ARHGEF28: variants seen among roughly 807,000 people sequenced by gnomAD.
ARHGEF28 encodes 190 kDa guanine nucleotide exchange factor.
In ARHGEF28, 152 loss-of-function variants were observed where a neutral mutation model predicts 206.6. That is an observed-to-expected ratio of 0.74 (90% CI 0.64 to 0.84). The LOEUF is 0.84. Among genes scored for constraint, ARHGEF28 ranks in the 40% least tolerant of loss-of-function variants. ARHGEF28 has a pLI of 0.00. For synonymous variants in ARHGEF28, 763 were observed against 776.4 expected (o/e 0.98, Z 0.29); for missense variants, 2,028 against 2,073.2 (o/e 0.98, Z 0.42).
intron 2 of ARHGEF28, among the ~76,000 whole-genome samples, chr5:73,725,443 C>T (rs900012333): frequency 1.2e-4 from 18 of 152,104 alleles, no homozygotes; most frequent in Non-Finnish European, 2.1e-4. Context: ...GTCCACTGGA[C>T]GTTATTTTTT....
chr5:73,802,412 T>A (rs1345230134), intron 9 of ARHGEF28, among the ~76,000 whole-genome samples: 1 of 152,188 alleles, frequency 6.6e-6, no homozygotes, highest in Non-Finnish European at 1.5e-5. Context: ...TAGTACATTC[T>A]AAATTACCTT....
chr5:73,880,479 G>T (rs1338803621), intron 22 of ARHGEF28, among the ~76,000 whole-genome samples: 1 of 152,182 alleles, frequency 6.6e-6, no homozygotes, highest in East Asian at 1.9e-4. Context: ...GATGAACCCG[G>T]TACCTCAGAT....
chr5:73,767,888 G>A (rs992971573), intron 4 of ARHGEF28, among the ~76,000 whole-genome samples: 1 of 152,166 alleles, frequency 6.6e-6, no homozygotes, highest in African/African-American at 2.4e-5. Flanking sequence ...GGAGGAAATG[G>A]TTTCATGGGC....
intron 2 of ARHGEF28, among the ~76,000 whole-genome samples, chr5:73,748,345 A>G (rs1394930803): frequency 6.6e-6 from 1 of 151,758 alleles, no homozygotes; most frequent in African/African-American, 2.4e-5. Flanking sequence ...CCAACCAGTG[A>G]TTTTTTTTCA....
intron 22 of ARHGEF28, among the ~76,000 whole-genome samples, chr5:73,880,301 A>G (rs1163324111): frequency 6.6e-6 from 1 of 152,164 alleles, no homozygotes; most frequent in African/African-American, 2.4e-5. Context: ...TTCTGGTGGG[A>G]GTGACCCAAT....
intron 20 of ARHGEF28, among the ~76,000 whole-genome samples, chr5:73,869,484 A>C (rs1435201098): frequency 6.6e-6 from 1 of 152,224 alleles, no homozygotes; most frequent in East Asian, 1.9e-4. Context: ...AAAATAGAGC[A>C]GGCCAAAACA....
chr5:73,673,682 T>C (rs1746484905), intron 1 of ARHGEF28, among the ~76,000 whole-genome samples: 1 of 152,136 alleles, frequency 6.6e-6, no homozygotes, highest in African/African-American at 2.4e-5. Flanking sequence ...ATACTTAACA[T>C]GTAATAATAA....
intron 35 of ARHGEF28, among the ~76,000 whole-genome samples, chr5:73,938,816 G>A (rs2112061883): frequency 6.6e-6 from 1 of 152,124 alleles, no homozygotes; most frequent in Non-Finnish European, 1.5e-5. Context: ...GATTTGTAAT[G>A]TTGCCCTGAC....
chr5:73,785,618 C>T (rs562917614), intron 7 of ARHGEF28, among the ~76,000 whole-genome samples: 4 of 152,230 alleles, frequency 2.6e-5, no homozygotes, highest in East Asian at 3.9e-4. Context: ...TGGGCTATAA[C>T]GCAACCTGAG....
At chr5:73,867,786 G>T (rs1482700667) in intron 18 of ARHGEF28, 90 bp from the exon 19 acceptor site, 2 of 1,533,560 alleles carry the variant, frequency 1.3e-6, no homozygotes, top group Non-Finnish European at 1.8e-6. Flanking sequence ...AGTAGTCATT[G>T]CAGGGTTTAG....
chr5:73,741,383 GTGTATATATATATA>G (rs1751408363), intron 2 of ARHGEF28, among the ~76,000 whole-genome samples: 5 of 18,316 alleles, frequency 2.7e-4, no homozygotes, highest in Admixed American at 7.9e-4. Flanking sequence ...GTGTGTGTGT[GTGTATATATATATA>G]TATATATATA....
At chr5:73,793,798 C>CTT (rs35889342) in intron 7 of ARHGEF28, among the ~76,000 whole-genome samples, 10 of 142,338 alleles carry the variant, frequency 7.0e-5, no homozygotes, top group Non-Finnish European at 9.1e-5. Context: ...TTGGGTGAAC[C>CTT]TTTTTTTTTT....
intron 9 of ARHGEF28, among the ~76,000 whole-genome samples, chr5:73,817,591 G>C (rs993501299): frequency 2.6e-5 from 4 of 152,184 alleles, no homozygotes; most frequent in Non-Finnish European, 4.4e-5. Flanking sequence ...AGGGATGAAA[G>C]AATGACATAT....
intron 9 of ARHGEF28, among the ~76,000 whole-genome samples, chr5:73,809,106 G>A (rs550384592): frequency 1.3e-5 from 2 of 152,042 alleles, no homozygotes; most frequent in East Asian, 3.9e-4. Flanking sequence ...GGAAGCTGAG[G>A]AGACAGGAGA....
chr5:73,752,530 C>A (rs893135737), intron 3 of ARHGEF28, among the ~76,000 whole-genome samples: 3 of 152,048 alleles, frequency 2.0e-5, no homozygotes, highest in Non-Finnish European at 2.9e-5. Flanking sequence ...AAATATGTGA[C>A]TCAGGAGGAA....
intron 2 of ARHGEF28, among the ~76,000 whole-genome samples, chr5:73,699,949 A>G (rs1373551375): frequency 6.6e-6 from 1 of 152,216 alleles, no homozygotes; most frequent in Non-Finnish European, 1.5e-5. Flanking sequence ...ACTGCTTTCA[A>G]AAGTCTATTC....
intron 15 of ARHGEF28, 140 bp from the exon 16 acceptor site, chr5:73,857,947 T>C: frequency 1.5e-6 from 2 of 1,373,422 alleles, no homozygotes; most frequent in Non-Finnish European, 2.0e-6. Context: ...GGTGTTATGG[T>C]GTCCCTCTGT....
chr5:73,721,398 C>A (rs1749933122), intron 2 of ARHGEF28, among the ~76,000 whole-genome samples: 1 of 152,148 alleles, frequency 6.6e-6, no homozygotes, highest in Admixed American at 6.5e-5. Flanking sequence ...AAAAGCATTA[C>A]CTACTTAGAT....
chr5:73,641,943 T>C (rs1462854577), intron 1 of ARHGEF28, among the ~76,000 whole-genome samples: 1 of 152,214 alleles, frequency 6.6e-6, no homozygotes. Context: ...GCAACAATGT[T>C]ACTATTCCTG....
Sources: gnomAD v4.1 joint callset for allele counts (sites outside exome capture counted in the v4.1 genomes callset) on GRCh38, gnomAD v4.1.1 for gene constraint, MANE v1.5 for transcripts, NCBI Gene and HGNC (gene_info 2026-07-23, HGNC 2026-07-21) for gene names.